The following PIK3C2A variants were observed in gnomAD, a reference collection of about 807,000 sequenced individuals.
The protein encoded by PIK3C2A is phosphatidylinositol 4-phosphate 3-kinase C2 domain-containing subunit alpha.
In PIK3C2A, 97 loss-of-function variants were observed where a neutral mutation model predicts 204.5. That is an observed-to-expected ratio of 0.47 (90% CI 0.40 to 0.56). The LOEUF is 0.56. Ranked by LOEUF, PIK3C2A falls within the 20% of genes least tolerant of loss-of-function variation. The pLI, the probability that PIK3C2A is intolerant of heterozygous loss-of-function variation, is 0.00. For synonymous variants in PIK3C2A, 653 were observed against 664.4 expected, an observed-to-expected ratio of 0.98 and a Z score of 0.26; for missense variants, 1,735 against 1,969.2, an observed-to-expected ratio of 0.88 and a Z score of 2.25.
Position 17,134,992 on chromosome 11 carries a change from T to C in PIK3C2A, c.1935A>G (p.Ile645Met). 6.2e-7 allele frequency: 1 copy of C among 1,614,164 alleles called. No homozygotes were observed. The highest frequency in any genetic ancestry group is 1.1e-5 in the South Asian group (1 of 91,082). The change falls in exon 11 of 33, where the codon ATA (isoleucine) becomes ATG (methionine). Residue 645 changes from isoleucine to methionine, a missense_variant. Physicochemically the swap from Ile to Met is conservative, Grantham distance 10 (BLOSUM62 1). Transcript: ENST00000691414. ...CATAAATTGCTGCAGTTAATTGGTTTATGCTTACTTGAACAGGATTTTCAG... is the reference window on the plus strand; with the variant it reads ...CATAAATTGCTGCAGTTAATTGGTTCATGCTTACTTGAACAGGATTTTCAG... ...LNPENPVQVS[I>M]NQLTAAIYDL...
intron 1 of PIK3C2A, among the ~76,000 whole-genome samples, chr11:17,181,655 T>C (rs369585842): frequency 0.83 from 89,084 of 107,286 alleles, 35,672 homozygotes; most frequent in Middle Eastern, 0.91. Flanking sequence ...TATATATATA[T>C]ATATACACAC....
Position 17,132,019 on chromosome 11 carries a change from T to C in PIK3C2A, c.2128A>G (p.Ile710Val), listed in dbSNP as rs1454479607. 1.3e-6 allele frequency: 2 copies of C among 1,532,446 alleles called. No individual in the cohort carries two copies. The highest frequency in any genetic ancestry group is 2.8e-5 in the African/African-American group (2 of 72,218). 94.9% of individuals were successfully genotyped at this position (1,532,446 alleles called of 1,614,324 possible). A position where few individuals can be genotyped will look rare whatever the true frequency, so the allele number is the denominator to read the frequency against. ...WVSNYEKYYL[I>V]CSLSHNGKDL... The stretch of plus-strand genomic sequence containing the variant: ...TTTCCATTGTGAGACAGTGAACATA[T>C]CAAGTAGTATTTTTCATAACTGAGA... The change falls in exon 12 of 33, where the codon ATA becomes GTA. Residue 710 changes from isoleucine (I) to valine (V), a missense_variant. By Grantham distance (29) the Ile-to-Val change is conservative (BLOSUM62 3). Around this residue, in one of 6 missense-constraint regions of PIK3C2A, gnomAD observed 567 missense variants for 576.0 expected, o/e 0.98. Transcript: ENST00000691414.
intron 1 of PIK3C2A, among the ~76,000 whole-genome samples, chr11:17,199,180 C>T (rs1312564256): frequency 6.6e-6 from 1 of 150,822 alleles, no homozygotes; most frequent in African/African-American, 2.4e-5. Context: ...CTCAATATCA[C>T]TAGTCAACCT....
intron 13 of PIK3C2A, among the ~76,000 whole-genome samples, chr11:17,125,989 T>C (rs1849508947): frequency 6.6e-6 from 1 of 151,900 alleles, no homozygotes; most frequent in Admixed American, 6.6e-5. Context: ...CCAGGCATGG[T>C]AGCACACACC....
chr11:17,125,256 C>CA (rs1387277152), intron 13 of PIK3C2A, among the ~76,000 whole-genome samples: 2 of 152,084 alleles, frequency 1.3e-5, no homozygotes, highest in Admixed American at 6.6e-5. Context: ...ATTTTCCTTC[C>CA]AGCAGACATT....
rs577726242 is a variant in PIK3C2A, at chr11:17,122,683, T to A, written c.2511+19A>T. The A allele has an allele frequency of 7.2e-5, 74 of 1,029,266 alleles. No individual in the cohort carries two copies. The highest frequency in any genetic ancestry group is 4.4e-4 in the South Asian group (33 of 74,842). The allele number at this position is 1,029,266 out of a possible 1,614,324, so 63.8% of individuals were successfully genotyped here. A position where few individuals can be genotyped will look rare whatever the true frequency, so the allele number is the denominator to read the frequency against. On this transcript the variant is annotated intron_variant, in intron 14 of 32. Coordinates refer to ENST00000691414, the MANE Select transcript of PIK3C2A (RefSeq NM_002645.4). ...AAATTTAAATGTACACCTCTCTACA[T>A]GTCAAGAAGTACCATTACCTGTAGC...
At chr11:17,122,647 A>T in intron 14 of PIK3C2A, 55 bp downstream of exon 14, 1 of 835,812 alleles carries the variant, frequency 1.2e-6, no homozygotes, top group Non-Finnish European at 2.0e-6. Flanking sequence ...ACACACACAC[A>T]TTTTATGAAG....
Position 17,110,442 on chromosome 11 carries a change from G to A in PIK3C2A, c.3534C>T (p.Gly1178=), listed in dbSNP as rs1848961986. The change falls in exon 22 of 33, where the codon GGC becomes GGT. Residue 1178 remains glycine (G), a synonymous_variant. Coordinates refer to ENST00000691414, the MANE Select transcript of PIK3C2A (RefSeq NM_002645.4). ...RMVIFKCLST[G]RDRGMVELVP... ...AGCTAATAAACTTACCTCGATCTCTGCCAGTTGAGAGACATTTGAAAATTA... is the reference window on the plus strand; with the variant it reads ...AGCTAATAAACTTACCTCGATCTCTACCAGTTGAGAGACATTTGAAAATTA... The A allele has an allele frequency of 2.5e-6, 4 of 1,609,586 alleles. No homozygotes were observed. Among genetic ancestry groups the A allele is most frequent in the Non-Finnish European group, 3.4e-6 (4 of 1,178,070 alleles).
intron 32 of PIK3C2A, among the ~76,000 whole-genome samples, chr11:17,090,846 C>A (rs1383620049): frequency 6.6e-6 from 1 of 151,750 alleles, no homozygotes; most frequent in African/African-American, 2.4e-5. Context: ...CTCAAGCAAT[C>A]CTTTGACCTC....
chr11:17,170,408 T>A (rs1227120249), intron 1 of PIK3C2A, among the ~76,000 whole-genome samples: 1 of 152,168 alleles, frequency 6.6e-6, no homozygotes, highest in East Asian at 1.9e-4. Flanking sequence ...TAAGACAAAG[T>A]GTTAAGGCTT....
intron 21 of PIK3C2A, among the ~76,000 whole-genome samples, chr11:17,111,704 C>G (rs925156377): frequency 6.6e-6 from 1 of 151,654 alleles, no homozygotes; most frequent in Non-Finnish European, 1.5e-5. Context: ...TGGTGAAACC[C>G]TGTCTGTACT....
chr11:17,191,553 C>T (rs1277498917), intron 1 of PIK3C2A, among the ~76,000 whole-genome samples: 2 of 152,166 alleles, frequency 1.3e-5, no homozygotes, highest in Admixed American at 1.3e-4. Context: ...ATTTGAGACC[C>T]TCTTGAACTT....
intron 1 of PIK3C2A, among the ~76,000 whole-genome samples, chr11:17,170,815 T>C (rs756744355): frequency 1.3e-5 from 2 of 152,076 alleles, no homozygotes; most frequent in Non-Finnish European, 2.9e-5. Context: ...TAAGAAGGTA[T>C]ATGACTGGCC....
chr11:17,112,609 C>T lies in PIK3C2A; in HGVS notation c.3379G>A (p.Asp1127Asn). 1 of 1,557,916 alleles carries T rather than the reference C, an allele frequency of 6.4e-7. No individual in the cohort carries two copies. The highest frequency in any genetic ancestry group is 8.7e-7 in the Non-Finnish European group (1 of 1,145,090). ...ACATTAATTTCTTCTCCCATAGGGT[C>T]AGCATTCACCATTGTGACTTTTAGG... ...VPLKVTMVNA[D>N]PMGEEINVMF... The change falls in exon 21 of 33, where the codon GAC becomes AAC. Residue 1127 changes from aspartate to asparagine, a missense_variant. Physicochemically the swap from Asp to Asn is conservative, Grantham distance 23 (BLOSUM62 1). Around this residue, in one of 6 missense-constraint regions of PIK3C2A, gnomAD observed 567 missense variants for 576.0 expected, o/e 0.98. Coordinates refer to ENST00000691414, the MANE Select transcript of PIK3C2A (RefSeq NM_002645.4).
In PIK3C2A at chr11:17,122,321, A is replaced by G. The variant is rs768720821; in HGVS notation, c.2524T>C (p.Ser842Pro). Residue 842 changes from serine (S) to proline (P), a missense_variant, in exon 15 of 33, where the codon TCT becomes CCT. Ser to Pro is a moderately conservative substitution (Grantham distance 74). Transcript: ENST00000691414. ...GTATAAATAATATCAAATGCAGGAG[A>G]AGGAAAATCAACCTTTAAAATTTAA... ...ERIVLQVDFP[S>P]PAFDIIYTTP... The G allele has an allele frequency of 6.5e-7, 1 of 1,541,386 alleles. No individual in the cohort carries two copies. Among genetic ancestry groups the G allele is most frequent in the Non-Finnish European group, 8.9e-7 (1 of 1,121,052 alleles).
At chr11:17,193,747 G>A (rs1347783722) in intron 1 of PIK3C2A, among the ~76,000 whole-genome samples, 1 of 151,020 alleles carries the variant, frequency 6.6e-6, no homozygotes, top group Non-Finnish European at 1.5e-5. Flanking sequence ...TCGGGAGGCT[G>A]CGGCAGGAGA....
intron 8 of PIK3C2A, among the ~76,000 whole-genome samples, chr11:17,139,479 C>A (rs1849984995): frequency 6.6e-6 from 1 of 152,150 alleles, no homozygotes; most frequent in East Asian, 1.9e-4. Context: ...CCACCTCCAC[C>A]TCCTAAAGTG....
At chr11:17,189,510 G>T (rs1392979821) in intron 1 of PIK3C2A, among the ~76,000 whole-genome samples, 1 of 146,136 alleles carries the variant, frequency 6.8e-6, no homozygotes, top group African/African-American at 2.8e-5. Context: ...AGATACTCAG[G>T]AGACTGAGGC....
intron 15 of PIK3C2A, among the ~76,000 whole-genome samples, chr11:17,120,334 A>G (rs1376551977): frequency 2.6e-5 from 4 of 152,134 alleles, no homozygotes; most frequent in Admixed American, 1.3e-4. Flanking sequence ...TCGTACAAAT[A>G]AAATCAAATG....
Sources: allele counts gnomAD v4.1 joint callset (sites outside exome capture counted in the v4.1 genomes callset), GRCh38; gene constraint gnomAD v4.1.1; regional missense constraint gnomAD v4.1.1; transcripts MANE v1.5; gene names NCBI Gene and HGNC (gene_info 2026-07-23, HGNC 2026-07-21).